KCNE3: variants seen among roughly 807,000 people sequenced by gnomAD.
KCNE3 encodes the protein potassium voltage-gated channel subfamily E regulatory subunit 3.
In KCNE3, 2 loss-of-function variants were observed where a neutral mutation model predicts 4.3. The ratio of observed to expected loss-of-function variants is 0.47; its 90% confidence interval spans 0.19 to 1.48. KCNE3 has a LOEUF of 1.48. Ranked by LOEUF, KCNE3 falls within the 40% of genes most tolerant of loss-of-function variation. The pLI is 0.25. For missense variants in KCNE3, 128 were observed against 136.8 expected (o/e 0.94, Z 0.32); for synonymous variants, 47 against 52.0 (o/e 0.90, Z 0.41).
chr11:74,458,689 T>C (rs1421085345), intron 2 of KCNE3, among the ~76,000 whole-genome samples: 1 of 152,016 alleles, frequency 6.6e-6, no homozygotes, highest in African/African-American at 2.4e-5. Context: ...AAAAATTAGC[T>C]GGGCGTGGTG....
At position 74,457,316 on chromosome 11, in the gene KCNE3, C is replaced by G. The variant is rs17215437; in HGVS notation, c.248G>C (p.Arg83Pro). ...GSLILGYTRSRKVDKRSDPYH... is the reference protein window; with the variant it reads ...GSLILGYTRSPKVDKRSDPYH... ...GGGGTCACTACGCTTGTCCACTTTG[C>G]GGGAGCGGGTGTATCCCAGGATGAG... The change falls in exon 3 of 3, where the codon CGC becomes CCC. Residue 83 changes from arginine (R) to proline (P), a missense_variant. Coordinates refer to ENST00000310128, the MANE Select transcript of KCNE3 (RefSeq NM_005472.5). The G allele has an allele frequency of 5.6e-6, 9 of 1,614,038 alleles. No homozygotes were observed. The highest frequency in any genetic ancestry group is 5.0e-5 in the Admixed American group (3 of 60,008).
At chr11:74,466,305 C>T (rs1239588077) in intron 1 of KCNE3, among the ~76,000 whole-genome samples, 1 of 152,156 alleles carries the variant, frequency 6.6e-6, no homozygotes, top group Non-Finnish European at 1.5e-5. Flanking sequence ...TATGGATGTG[C>T]TTTGAGACGT....
chr11:74,459,315 G>T (rs939135026), intron 2 of KCNE3, among the ~76,000 whole-genome samples: 2 of 133,246 alleles, frequency 1.5e-5, no homozygotes, highest in African/African-American at 2.8e-5. Context: ...AGGCTGCAGT[G>T]CAGTGGCGCA....
In KCNE3 at chr11:74,467,447, G is replaced by C. The variant is rs1864086787; in HGVS notation, c.-239C>G. 2 of 152,790 alleles carry C rather than the reference G, an allele frequency of 1.3e-5. No individual in the cohort carries two copies. Among genetic ancestry groups the C allele is most frequent in the Admixed American group, 1.3e-4 (2 of 15,286 alleles). The allele number at this position is 152,790 out of a possible 1,614,324, so 9.5% of individuals were successfully genotyped here. ...CGCCCGTTTGCTCGCTGGACACGGC[G>C]CCCTCTGACCGAGGGTGGCCCAAGC... is the stretch of plus-strand genomic sequence containing the variant. On this transcript the variant is annotated 5_prime_UTR_variant, in exon 1 of 3. Transcript: ENST00000310128. The surrounding 1 kb of genome is among the most constrained non-coding windows in gnomAD (Gnocchi z 4.4).
rs951910298 is a variant in KCNE3, at chr11:74,456,779, C to G, written c.*473G>C. 2 of 225,144 alleles carry G rather than the reference C, an allele frequency of 8.9e-6. No homozygotes were observed. Among genetic ancestry groups the G allele is most frequent in the African/African-American group, 4.6e-5 (2 of 43,198 alleles). The allele number at this position is 225,144 out of a possible 1,614,324, so 13.9% of individuals were successfully genotyped here. On this transcript the variant is annotated 3_prime_UTR_variant, in exon 3 of 3. Transcript: ENST00000310128. ...AATGGGCAGCACAGCACTTGCCCTGCTTTCTTCACGGGAGCGGGGGCAGGG... is the reference window on the plus strand; with the variant it reads ...AATGGGCAGCACAGCACTTGCCCTGGTTTCTTCACGGGAGCGGGGGCAGGG...
At chr11:74,459,567 A>G (rs1863905829) in intron 2 of KCNE3, among the ~76,000 whole-genome samples, 1 of 152,068 alleles carries the variant, frequency 6.6e-6, no homozygotes, top group Admixed American at 6.5e-5. Context: ...ACATCTTAAA[A>G]CAGACTTGCA....
chr11:74,457,214 C>A lies in KCNE3; in HGVS notation c.*38G>T. The A allele has an allele frequency of 6.3e-7, 1 of 1,595,820 alleles. No homozygotes were observed. The highest frequency in any genetic ancestry group is 1.1e-5 in the South Asian group (1 of 89,550). On this transcript the variant is annotated 3_prime_UTR_variant, in exon 3 of 3. Coordinates refer to ENST00000310128, the MANE Select transcript of KCNE3 (RefSeq NM_005472.5). ...TTCTGGAGGCCCCAGACGCAATCCC[C>A]AGGTGTCTTGGTCTTCCACCGTCCC...
chr11:74,459,335 C>T (rs1349408148), intron 2 of KCNE3, among the ~76,000 whole-genome samples: 1 of 146,452 alleles, frequency 6.8e-6, no homozygotes, highest in East Asian at 2.0e-4. Context: ...AATCTCGGCT[C>T]ACTGCAAGTT....
intron 2 of KCNE3, among the ~76,000 whole-genome samples, chr11:74,459,926 A>G (rs1460739123): frequency 6.6e-6 from 1 of 152,224 alleles, no homozygotes; most frequent in East Asian, 1.9e-4. Flanking sequence ...CCTTCTCTCA[A>G]TAGTTTCTAG....
chr11:74,459,323 G>A (rs1373799448), intron 2 of KCNE3, among the ~76,000 whole-genome samples: 5 of 145,094 alleles, frequency 3.4e-5, no homozygotes, highest in South Asian at 2.2e-4. Context: ...GTGCAGTGGC[G>A]CAATCTCGGC....
In KCNE3 at chr11:74,457,813, T is replaced by A. The variant is rs929711608; in HGVS notation, c.-40-210A>T. Among the ~76,000 whole-genome samples the A allele has an allele frequency of 2.6e-5, 4 of 151,850 alleles. No individual in the cohort carries two copies. In the South Asian group the frequency reaches 8.3e-4, roughly 32 times the overall value. ...GAGGTAACTGAATCATGGGGGTGGG[T>A]TTTTCCCATGCTGTTCTCATGATAG... On this transcript the variant is annotated intron_variant, in intron 2 of 2. Coordinates refer to ENST00000310128, the MANE Select transcript of KCNE3 (RefSeq NM_005472.5).
intron 1 of KCNE3, among the ~76,000 whole-genome samples, chr11:74,464,730 GACTCTAA>G (rs1437424198): frequency 5.3e-5 from 8 of 152,140 alleles, no homozygotes; most frequent in African/African-American, 1.9e-4. Flanking sequence ...CAGTAGGGCA[GACTCTAA>G]ACTCTTCTGA....
At chr11:74,466,014 C>A (rs995129725) in intron 1 of KCNE3, among the ~76,000 whole-genome samples, 1 of 152,102 alleles carries the variant, frequency 6.6e-6, no homozygotes, top group African/African-American at 2.4e-5. Flanking sequence ...TCTCCAGAAG[C>A]CTTCCTGTTT....
intron 1 of KCNE3, chr11:74,462,481 A>G (rs1277474250): frequency 6.6e-6 from 1 of 152,220 alleles, no homozygotes; most frequent in African/African-American, 2.4e-5. Context: ...TTCGAATCCC[A>G]AGGGAATTGA....
rs552378844 is a variant in KCNE3, at chr11:74,465,882, C to T, written c.-190+1516G>A. ...TTTCCTTTTCTGTCTCCACATCTTTCCTTTCCCCCCATATTACCAAGAACA... is the reference window on the plus strand; with the variant it reads ...TTTCCTTTTCTGTCTCCACATCTTTTCTTTCCCCCCATATTACCAAGAACA... On this transcript the variant is annotated intron_variant, in intron 1 of 2. Coordinates refer to ENST00000310128, the MANE Select transcript of KCNE3 (RefSeq NM_005472.5). Among the ~76,000 whole-genome samples the T allele has an allele frequency of 2.6e-4, 40 of 152,268 alleles. 1 individual carries two copies. The highest frequency in any genetic ancestry group is 3.4e-3 in the Middle Eastern group (1 of 294).
intron 1 of KCNE3, among the ~76,000 whole-genome samples, chr11:74,466,005 C>A (rs139455428): frequency 9.9e-5 from 15 of 152,204 alleles, no homozygotes; most frequent in Non-Finnish European, 2.2e-4. Context: ...ACCTCACCTT[C>A]TCCAGAAGCC....
chr11:74,464,288 C>T (rs1214474786), intron 1 of KCNE3: 3 of 152,148 alleles, frequency 2.0e-5, no homozygotes, highest in Non-Finnish European at 2.9e-5. Flanking sequence ...CCCGTCACTC[C>T]GTTTCAGCTA....
chr11:74,457,533 A>G lies in KCNE3; in HGVS notation c.31T>C (p.Tyr11His). 6.2e-7 allele frequency: 1 copy of G among 1,614,158 alleles called. No individual in the cohort carries two copies. Among genetic ancestry groups the G allele is most frequent in the Non-Finnish European group, 8.5e-7 (1 of 1,180,018 alleles). The change falls in exon 3 of 3, where the codon TAT (tyrosine) becomes CAT (histidine). Residue 11 changes from tyrosine to histidine, a missense_variant. Coordinates refer to ENST00000310128, the MANE Select transcript of KCNE3 (RefSeq NM_005472.5). ...TTCAGCACGGCATGCAGGCTCTCATACCAGGTCTCCGTTCCATTGGTAGTC... is the reference window on the plus strand; with the variant it reads ...TTCAGCACGGCATGCAGGCTCTCATGCCAGGTCTCCGTTCCATTGGTAGTC... METTNGTETW[Y>H]ESLHAVLKAL... is the part of the protein sequence containing the mutation.
intron 1 of KCNE3, among the ~76,000 whole-genome samples, chr11:74,465,725 C>T (rs1864045385): frequency 6.6e-6 from 1 of 152,176 alleles, no homozygotes. Flanking sequence ...TTCCTCTGAA[C>T]CTCATCTATA....
Sources: allele counts gnomAD v4.1 joint callset (sites outside exome capture counted in the v4.1 genomes callset), GRCh38; gene constraint gnomAD v4.1.1; non-coding constraint Gnocchi (gnomAD v3.1); transcripts MANE v1.5; gene names NCBI Gene and HGNC (gene_info 2026-07-23, HGNC 2026-07-21).